The following MACROD2 variants were observed in gnomAD, a reference collection of about 807,000 sequenced individuals.
The protein encoded by MACROD2 is ADP-ribose glycohydrolase MACROD2.
Under a neutral mutation model 70.4 loss-of-function variants are expected in MACROD2, and 36 were observed. The observed-to-expected ratio is 0.51, with a 90% confidence interval of 0.39 to 0.68. The LOEUF (loss-of-function observed/expected upper bound fraction) is 0.68, where lower values mean the gene tolerates loss of function less well. Among genes scored for constraint, MACROD2 ranks in the 30% least tolerant of loss-of-function variants. The probability of loss-of-function intolerance (pLI) is 0.00; values close to 1 mark genes in which losing one functional copy is unlikely to be tolerated. For synonymous variants in MACROD2, 172 were observed against 178.8 expected (o/e 0.96, Z 0.30); for missense variants, 496 against 538.4 (o/e 0.92, Z 0.78).
intron 8 of MACROD2, among the ~76,000 whole-genome samples, chr20:15,819,493 A>G (rs1048178939): frequency 4.1e-5 from 6 of 146,488 alleles, no homozygotes; most frequent in African/African-American, 1.2e-4. Context: ...ATATTGATAT[A>G]TAAATATATA....
At chr20:15,536,644 G>A (rs1305104950) in intron 8 of MACROD2, among the ~76,000 whole-genome samples, 1 of 152,088 alleles carries the variant, frequency 6.6e-6, no homozygotes, top group African/African-American at 2.4e-5. Flanking sequence ...GCCAAGCACT[G>A]GGTTATGCCC....
At chr20:15,699,175 G>C (rs1340026362) in intron 8 of MACROD2, among the ~76,000 whole-genome samples, 1 of 152,106 alleles carries the variant, frequency 6.6e-6, no homozygotes, top group Non-Finnish European at 1.5e-5. Flanking sequence ...ATATTACCAG[G>C]GTTGGTTTTC....
intron 8 of MACROD2, among the ~76,000 whole-genome samples, chr20:15,770,256 CTCT>C (rs1184662249): frequency 6.6e-6 from 1 of 151,470 alleles, no homozygotes; most frequent in Non-Finnish European, 1.5e-5. Flanking sequence ...CTAATTTTAC[CTCT>C]TCTTCTTTAT....
rs1234061861 is a variant in MACROD2 at position 14,749,549 on chromosome 20, A to G, written c.418+64590A>G. 2.6e-5 allele frequency among the ~76,000 whole-genome samples: 4 copies of G among 152,112 alleles called. No individual in the cohort carries two copies. The East Asian group carries it at 7.7e-4, about 29-fold the overall frequency. The stretch of plus-strand genomic sequence containing the variant: ...ACTATATCATGATTCTTTGAACTTC[A>G]AAGTATACCCCCAAAATATAATATG... On this transcript the variant is annotated intron_variant, in intron 5 of 17. Coordinates refer to ENST00000684519, the MANE Select transcript of MACROD2 (RefSeq NM_001351661.2).
chr20:15,667,288 C>T (rs1299070793), intron 8 of MACROD2, among the ~76,000 whole-genome samples: 6 of 152,122 alleles, frequency 3.9e-5, no homozygotes, highest in African/African-American at 1.2e-4. Context: ...TGCACGCTCC[C>T]GCTTCACCTT....
chr20:14,827,059 G>T (rs1387417923), intron 5 of MACROD2, among the ~76,000 whole-genome samples: 4 of 152,048 alleles, frequency 2.6e-5, no homozygotes, highest in Non-Finnish European at 1.5e-5. Flanking sequence ...GCTTTGTTAT[G>T]ATGTCAGGGC....
At chr20:14,703,110 A>T (rs2071226480) in intron 5 of MACROD2, among the ~76,000 whole-genome samples, 2 of 152,118 alleles carry the variant, frequency 1.3e-5, no homozygotes, top group Non-Finnish European at 2.9e-5. Flanking sequence ...TTTCTTGCAG[A>T]TACACCATAT....
intron 8 of MACROD2, among the ~76,000 whole-genome samples, chr20:15,732,683 A>G (rs2050962182): frequency 1.3e-5 from 2 of 151,900 alleles, no homozygotes; most frequent in Admixed American, 6.6e-5. Flanking sequence ...TTTGTAATAC[A>G]TCATTGGACT....
At chr20:14,460,882 T>C (rs550367971) in intron 3 of MACROD2, among the ~76,000 whole-genome samples, 1 of 152,108 alleles carries the variant, frequency 6.6e-6, no homozygotes, top group South Asian at 2.1e-4. Context: ...TGAAATTATT[T>C]TGTCATTGTT....
At chr20:14,297,887 C>T (rs2082440508) in intron 3 of MACROD2, among the ~76,000 whole-genome samples, 1 of 151,874 alleles carries the variant, frequency 6.6e-6, no homozygotes, top group African/African-American at 2.4e-5. Flanking sequence ...CTTCAAAGGA[C>T]AGGCTGACTT....
chr20:14,520,688 A>G (rs1008375540), intron 4 of MACROD2, among the ~76,000 whole-genome samples: 9 of 152,146 alleles, frequency 5.9e-5, no homozygotes, highest in Non-Finnish European at 8.8e-5. Flanking sequence ...TACTTTGTGT[A>G]AACTTTCCTG....
chr20:15,443,992 G>C (rs926278263), intron 7 of MACROD2, among the ~76,000 whole-genome samples: 3 of 152,148 alleles, frequency 2.0e-5, no homozygotes, highest in Non-Finnish European at 4.4e-5. Flanking sequence ...TTATTAAACT[G>C]TAATTCACAG....
chr20:16,051,572 T>C lies in MACROD2; in HGVS notation c.*1696T>C, dbSNP rs1295098669. 1 of 152,234 alleles carries C rather than the reference T, an allele frequency of 6.6e-6. No individual in the cohort carries two copies. The highest frequency in any genetic ancestry group is 2.4e-5 in the African/African-American group (1 of 41,470). The allele number at this position is 152,234 out of a possible 1,614,324, so 9.4% of individuals were successfully genotyped here. On this transcript the variant is annotated 3_prime_UTR_variant, in exon 18 of 18. Coordinates refer to ENST00000684519, the MANE Select transcript of MACROD2 (RefSeq NM_001351661.2). ...GTGGGATTATGGCCTTCTGTTGCTA[T>C]TCCAGTTTGATATGGAAGCATCTAT... is the stretch of plus-strand genomic sequence containing the variant.
chr20:15,977,929 C>G (rs532779577), intron 13 of MACROD2, among the ~76,000 whole-genome samples: 1 of 152,294 alleles, frequency 6.6e-6, no homozygotes, highest in South Asian at 2.1e-4. Context: ...GAAAGCAGAA[C>G]TGAGATCACA....
chr20:16,001,082 C>T (rs964399726), intron 15 of MACROD2, among the ~76,000 whole-genome samples: 4 of 152,156 alleles, frequency 2.6e-5, no homozygotes, highest in Admixed American at 6.5e-5. Flanking sequence ...AAAGATATAT[C>T]CATTTTGATT....
intron 5 of MACROD2, among the ~76,000 whole-genome samples, chr20:15,055,529 A>C (rs1042175181): frequency 1.3e-5 from 2 of 152,210 alleles, no homozygotes; most frequent in African/African-American, 2.4e-5. Context: ...CTTCAAATGC[A>C]TTGAAATGAC....
intron 3 of MACROD2, among the ~76,000 whole-genome samples, chr20:14,231,606 G>T (rs2081813469): frequency 6.6e-6 from 1 of 152,142 alleles, no homozygotes; most frequent in African/African-American, 2.4e-5. Flanking sequence ...ACATACGTGT[G>T]CATGTGTCTT....
intron 5 of MACROD2, among the ~76,000 whole-genome samples, chr20:14,706,608 T>G (rs2123651455): frequency 6.6e-6 from 1 of 152,308 alleles, no homozygotes; most frequent in South Asian, 2.1e-4. Context: ...TTTTGTAGAA[T>G]ACTTCCCCAA....
At chr20:14,448,183 G>A (rs941374795) in intron 3 of MACROD2, among the ~76,000 whole-genome samples, 2 of 151,904 alleles carry the variant, frequency 1.3e-5, no homozygotes, top group African/African-American at 4.8e-5. Flanking sequence ...TCCAAAGTAG[G>A]GGAAGAGGGA....
Sources: gnomAD v4.1 joint callset for allele counts (sites outside exome capture counted in the v4.1 genomes callset) on GRCh38, gnomAD v4.1.1 for gene constraint, MANE v1.5 for transcripts, NCBI Gene and HGNC (gene_info 2026-07-23, HGNC 2026-07-21) for gene names.